Variants in NEXMIF observed in about 807,000 individuals in gnomAD.
NEXMIF encodes the protein neurite extension and migration factor.
A neutral mutation model predicts 62.1 loss-of-function variants in NEXMIF; 8 were observed. The ratio of observed to expected loss-of-function variants is 0.13; its 90% CI spans 0.08 to 0.23. NEXMIF has a LOEUF of 0.23. NEXMIF is among the 10% of genes least tolerant of loss of function. The pLI, the probability that NEXMIF is intolerant of heterozygous loss-of-function variation, is 1.00. For missense variants in NEXMIF, 976 were observed against 1,113.3 expected (o/e 0.88, Z 1.75); for synonymous variants, 404 against 416.6 (o/e 0.97, Z 0.37).
intron 1 of NEXMIF, among the ~76,000 whole-genome samples, chrX:74,816,047 AC>A (rs2080375139): frequency 9.0e-6 from 1 of 111,485 alleles, no homozygotes; most frequent in African/African-American, 3.3e-5. Flanking sequence ...CTTATTAACT[AC>A]ATAGGAAATT....
rs777910009 is a variant in NEXMIF at position 74,744,030 on chromosome X, G to A, written c.527C>T (p.Thr176Met). 11 of 1,207,873 alleles carry A rather than the reference G, an allele frequency of 9.1e-6. No individual in the cohort carries two copies. The highest frequency in any genetic ancestry group is 3.5e-5 in the African/African-American group (2 of 56,921). The change falls in exon 3 of 4, where the codon ACG becomes ATG. Residue 176 changes from threonine (T) to methionine (M), a missense_variant. Physicochemically the swap from Thr to Met is moderately conservative, Grantham distance 81. Coordinates refer to ENST00000055682, the MANE Select transcript of NEXMIF (RefSeq NM_001008537.3). ...KVGDLNRDYE[T>M]CAVSDIGIQC... ...AATCCCTATATCAGAGACTGCACAC[G>A]TTTCATAATCCCTATTTAGATCACC... is the stretch of plus-strand genomic sequence containing the variant.
At chrX:74,776,393 A>C (rs2080228530) in intron 1 of NEXMIF, among the ~76,000 whole-genome samples, 1 of 111,599 alleles carries the variant, frequency 9.0e-6, no homozygotes, top group Non-Finnish European at 1.9e-5. Flanking sequence ...CTGGAGTCAC[A>C]TCACCCTTAG....
chrX:74,794,866 G>A (rs1279655667), intron 1 of NEXMIF, among the ~76,000 whole-genome samples: 3 of 111,526 alleles, frequency 2.7e-5, no homozygotes, highest in Non-Finnish European at 5.7e-5. Flanking sequence ...ACTGACCTAC[G>A]CCCACTGTCT....
At chrX:74,919,684 T>G (rs1018192372) in intron 1 of NEXMIF, among the ~76,000 whole-genome samples, 1 of 110,941 alleles carries the variant, frequency 9.0e-6, no homozygotes, top group Non-Finnish European at 1.9e-5. Flanking sequence ...TGCAGGTTTG[T>G]TACATACGTA....
intron 1 of NEXMIF, among the ~76,000 whole-genome samples, chrX:74,869,328 T>C (rs1451739198): frequency 1.8e-5 from 2 of 111,184 alleles, no homozygotes; most frequent in Non-Finnish European, 3.8e-5. Flanking sequence ...TATGTCAAAA[T>C]AATAAAAGCC....
intron 1 of NEXMIF, among the ~76,000 whole-genome samples, chrX:74,770,156 C>T (rs2080205718): frequency 8.9e-6 from 1 of 111,844 alleles, no homozygotes; most frequent in South Asian, 3.7e-4. Flanking sequence ...TTTGTATGAC[C>T]TTTTCTGGCT....
intron 1 of NEXMIF, among the ~76,000 whole-genome samples, chrX:74,878,760 C>G (rs868313195): frequency 2.7e-5 from 3 of 112,292 alleles, no homozygotes; most frequent in African/African-American, 9.7e-5. Context: ...TTCCAGGTGC[C>G]GTCTGTCACC....
intron 1 of NEXMIF, among the ~76,000 whole-genome samples, chrX:74,836,413 C>G (rs1261412908): frequency 8.9e-6 from 1 of 112,176 alleles, no homozygotes; most frequent in Non-Finnish European, 1.9e-5. Context: ...CATCTGTGGT[C>G]AGAACGTCTT....
At chrX:74,886,678 T>C (rs2080695097) in intron 1 of NEXMIF, among the ~76,000 whole-genome samples, 1 of 110,943 alleles carries the variant, frequency 9.0e-6, no homozygotes, top group African/African-American at 3.3e-5. Context: ...GAACATTCCA[T>C]GCTCATGGGT....
intron 1 of NEXMIF, among the ~76,000 whole-genome samples, chrX:74,815,548 A>G (rs1175135474): frequency 9.0e-6 from 1 of 110,963 alleles, no homozygotes; most frequent in Non-Finnish European, 1.9e-5. Flanking sequence ...TCATTCCCCT[A>G]TTAAAAAACC....
At chrX:74,826,417 C>T (rs1395648087) in intron 1 of NEXMIF, among the ~76,000 whole-genome samples, 1 of 111,806 alleles carries the variant, frequency 8.9e-6, no homozygotes, top group East Asian at 2.8e-4. Flanking sequence ...GGACATTAGA[C>T]CTTTGTCAGA....
intron 1 of NEXMIF, among the ~76,000 whole-genome samples, chrX:74,789,495 T>G (rs899220412): frequency 9.0e-6 from 1 of 110,823 alleles, no homozygotes; most frequent in Non-Finnish European, 1.9e-5. Context: ...TATCCAGTAA[T>G]GGGATGGCTG....
rs1202007174 is a variant in NEXMIF, at chrX:74,821,363, T to C, written c.-47-75666A>G. 2.7e-5 allele frequency among the ~76,000 whole-genome samples: 3 copies of C among 112,207 alleles called. No homozygotes were observed. The Admixed American group carries it at 2.8e-4, about 11-fold the overall frequency. On this transcript the variant is annotated intron_variant, in intron 1 of 3. Coordinates refer to ENST00000055682, the MANE Select transcript of NEXMIF (RefSeq NM_001008537.3). ...GGTGAGTTTGTCCCTGTGGAGGTTT[T>C]ATGAGGGAAAAAAATCACAAAAACC... is the stretch of plus-strand genomic sequence containing the variant.
chrX:74,764,047 G>A (rs1485024891), intron 1 of NEXMIF, among the ~76,000 whole-genome samples: 11 of 111,370 alleles, frequency 9.9e-5, no homozygotes, highest in African/African-American at 2.6e-4. Context: ...TCTTGTGCCC[G>A]TTTTCAAAGG....
chrX:74,924,718 C>T lies in NEXMIF; in HGVS notation c.-48+165G>A, dbSNP rs527331827. 1.9e-4 allele frequency among the ~76,000 whole-genome samples: 22 copies of T among 113,833 alleles called. No individual in the cohort carries two copies. The South Asian group carries it at 7.8e-3, about 40-fold the overall frequency. ...GCCCTAGCGGCCTCGCTCCCTCATA[C>T]ACAGACACACACATTCGCATACAGA... is the stretch of plus-strand genomic sequence containing the variant. On this transcript the variant is annotated intron_variant, in intron 1 of 3. Transcript: ENST00000055682.
chrX:74,860,304 A>T (rs2080552568), intron 1 of NEXMIF, among the ~76,000 whole-genome samples: 1 of 112,013 alleles, frequency 8.9e-6, no homozygotes, highest in Admixed American at 9.5e-5. Flanking sequence ...AATACAATAA[A>T]ATCTAGAGAC....
chrX:74,845,863 A>T (rs955061825), intron 1 of NEXMIF, among the ~76,000 whole-genome samples: 1 of 111,288 alleles, frequency 9.0e-6, no homozygotes, highest in East Asian at 2.8e-4. Context: ...ATTTCCAATT[A>T]TCAGCTCCTG....
intron 1 of NEXMIF, among the ~76,000 whole-genome samples, chrX:74,842,725 T>A (rs2080477995): frequency 1.8e-5 from 2 of 112,381 alleles, no homozygotes. Context: ...AATTTCATTA[T>A]TTACCCAAAA....
At chrX:74,793,468 C>G (rs2147466065) in intron 1 of NEXMIF, among the ~76,000 whole-genome samples, 1 of 110,323 alleles carries the variant, frequency 9.1e-6, no homozygotes, top group Non-Finnish European at 1.9e-5. Context: ...AGTTGCTCTT[C>G]TCGAGGAGTA....
Sources: gnomAD v4.1 joint callset for allele counts (sites outside exome capture counted in the v4.1 genomes callset) on GRCh38, gnomAD v4.1.1 for gene constraint, MANE v1.5 for transcripts, NCBI Gene and HGNC (gene_info 2026-07-23, HGNC 2026-07-21) for gene names.